Variants in ADD3 observed in about 807,000 individuals in gnomAD.
ADD3 encodes gamma-adducin.
In ADD3, 25 loss-of-function variants were observed where a neutral mutation model predicts 80.2. The ratio of observed to expected loss-of-function variants is 0.31; its 90% CI spans 0.23 to 0.44. The LOEUF is 0.44. Among genes scored for constraint, ADD3 ranks in the 20% least tolerant of loss-of-function variants. The pLI, the probability that ADD3 is intolerant of heterozygous loss-of-function variation, is 1.00. For missense variants in ADD3, 829 were observed against 847.5 expected (o/e 0.98, Z 0.27); for synonymous variants, 284 against 289.6 (o/e 0.98, Z 0.20).
At chr10:110,108,742 T>C (rs1384321260) in intron 2 of ADD3, among the ~76,000 whole-genome samples, 2 of 152,168 alleles carry the variant, frequency 1.3e-5, no homozygotes, top group African/African-American at 4.8e-5. Context: ...TGAGAAACAT[T>C]TGAAACATGT....
chr10:110,054,306 G>A (rs190092670), intron 1 of ADD3, among the ~76,000 whole-genome samples: 5 of 152,176 alleles, frequency 3.3e-5, no homozygotes, highest in African/African-American at 1.2e-4. Context: ...AAATATTTCA[G>A]CCCTATCAGA....
At chr10:110,005,992 TGCTGCTGCTGCTGCCGCCGCCGCC>T (rs1015467822), upstream of ADD3, 7 of 244,976 alleles carry the variant, frequency 2.9e-5, no homozygotes, top group African/African-American at 7.0e-5. Flanking sequence ...CTGCTAATGC[TGCTGCTGCTGCTGCCGCCGCCGCC>T]GCTGCTGCTG....
In ADD3 at chr10:110,130,817, C is replaced by G. The variant is rs188120067; in HGVS notation, c.1732+331C>G. 6.6e-5 allele frequency among the ~76,000 whole-genome samples: 10 copies of G among 150,936 alleles called. No individual in the cohort carries two copies. The East Asian group carries it at 1.9e-3, about 29-fold the overall frequency. On this transcript the variant is annotated intron_variant, in intron 13 of 14. Transcript: ENST00000356080. ...GTTGCAGTGAGCTGAGATCGCACCA[C>G]TGCACTGCAGCCTGGGCGACAGAGA... is the stretch of plus-strand genomic sequence containing the variant.
chr10:110,090,393 G>T (rs1454230710), intron 1 of ADD3, among the ~76,000 whole-genome samples: 2 of 151,098 alleles, frequency 1.3e-5, no homozygotes, highest in African/African-American at 4.9e-5. Context: ...CTAATGTTTT[G>T]TATTTTTAGT....
intron 1 of ADD3, among the ~76,000 whole-genome samples, chr10:110,094,477 G>T (rs1417247419): frequency 6.6e-6 from 1 of 152,152 alleles, no homozygotes; most frequent in Admixed American, 6.6e-5. Context: ...AGAGCCTAGT[G>T]CTTTGTGGGA....
At chr10:110,081,728 A>T (rs1454591167) in intron 1 of ADD3, among the ~76,000 whole-genome samples, 2 of 152,208 alleles carry the variant, frequency 1.3e-5, no homozygotes, top group Non-Finnish European at 1.5e-5. Flanking sequence ...TTTTTTAACA[A>T]TTGCTTATAT....
intron 1 of ADD3, among the ~76,000 whole-genome samples, chr10:110,043,678 G>C (rs1222428609): frequency 6.6e-6 from 1 of 152,090 alleles, no homozygotes; most frequent in Non-Finnish European, 1.5e-5. Flanking sequence ...TTGCATCAGG[G>C]CTCTAAATTC....
At chr10:110,097,516 T>G (rs759983076) in intron 1 of ADD3, among the ~76,000 whole-genome samples, 10 of 152,212 alleles carry the variant, frequency 6.6e-5, no homozygotes, top group Non-Finnish European at 1.3e-4. Flanking sequence ...AATTCCTGTT[T>G]GTCCTTTACC....
upstream of ADD3, among the ~76,000 whole-genome samples, chr10:110,000,892 T>C (rs576002986): frequency 7.8e-4 from 119 of 152,294 alleles, 1 homozygote; most frequent in African/African-American, 2.8e-3. Context: ...TACTGGTATG[T>C]TTTAAGAGCT....
intron 1 of ADD3, chr10:110,016,312 C>T (rs1478108199): frequency 6.6e-6 from 1 of 152,148 alleles, no homozygotes; most frequent in Non-Finnish European, 1.5e-5. Context: ...GATCTTAGTA[C>T]CAAGTGGAAT....
At chr10:110,039,154 A>T (rs1474478483) in intron 1 of ADD3, among the ~76,000 whole-genome samples, 1 of 152,176 alleles carries the variant, frequency 6.6e-6, no homozygotes, top group Non-Finnish European at 1.5e-5. Flanking sequence ...CTTACCTTGC[A>T]CATTGCTTCT....
At chr10:110,086,243 C>G (rs778505756) in intron 1 of ADD3, among the ~76,000 whole-genome samples, 3 of 151,992 alleles carry the variant, frequency 2.0e-5, no homozygotes, top group Non-Finnish European at 2.9e-5. Context: ...AACCTCATCT[C>G]TACTAAATAT....
chr10:110,090,108 CGTT>C (rs1432709379), intron 1 of ADD3, among the ~76,000 whole-genome samples: 1 of 150,796 alleles, frequency 6.6e-6, no homozygotes, highest in Non-Finnish European at 1.5e-5. Flanking sequence ...TATCCTTCGT[CGTT>C]AGTGACACAG....
intron 1 of ADD3, among the ~76,000 whole-genome samples, chr10:110,085,903 C>A (rs1189399838): frequency 6.6e-6 from 1 of 151,224 alleles, no homozygotes; most frequent in African/African-American, 2.4e-5. Flanking sequence ...GTCGGGAGTT[C>A]GAGTCCAGCC....
chr10:110,070,231 T>C (rs2133627453), intron 1 of ADD3, among the ~76,000 whole-genome samples: 1 of 152,280 alleles, frequency 6.6e-6, no homozygotes, highest in South Asian at 2.1e-4. Flanking sequence ...GTGCTACAAT[T>C]GTCTCTCCCT....
intron 1 of ADD3, among the ~76,000 whole-genome samples, chr10:110,014,773 C>T (rs1252181472): frequency 4.6e-5 from 7 of 150,882 alleles, no homozygotes; most frequent in East Asian, 4.0e-4. Flanking sequence ...GTGATCCACC[C>T]GCCTCGGCCT....
intron 1 of ADD3, among the ~76,000 whole-genome samples, chr10:109,997,144 G>A (rs562790035): frequency 3.0e-4 from 46 of 152,280 alleles, no homozygotes; most frequent in African/African-American, 9.9e-4. Context: ...GGAGCTAAGT[G>A]GGTTTTATGA....
chr10:110,122,140 G>C lies in ADD3; in HGVS notation c.991G>C (p.Asp331His). ...GGCCCTAGCAGGTGCAGGTGGAGTA[G>C]ACAATCTCCATGTACTGGACTTTCA... ...VQALAGAGGV[D>H]NLHVLDFQKY... is the part of the protein sequence containing the mutation. The change falls in exon 9 of 15, where the codon GAC becomes CAC. Residue 331 changes from aspartate (D) to histidine (H), a missense_variant. Coordinates refer to ENST00000356080, the MANE Select transcript of ADD3 (RefSeq NM_016824.5). 1.2e-6 allele frequency: 2 copies of C among 1,614,028 alleles called. No homozygotes were observed. The highest frequency in any genetic ancestry group is 8.5e-7 in the Non-Finnish European group (1 of 1,179,914).
chr10:110,077,734 T>A (rs1367805737), intron 1 of ADD3, among the ~76,000 whole-genome samples: 2 of 151,940 alleles, frequency 1.3e-5, no homozygotes, highest in Admixed American at 1.3e-4. Flanking sequence ...TATAGGAGAA[T>A]TATTGTTGTT....
Sources: allele counts gnomAD v4.1 joint callset (sites outside exome capture counted in the v4.1 genomes callset), GRCh38; gene constraint gnomAD v4.1.1; transcripts MANE v1.5; gene names NCBI Gene and HGNC (gene_info 2026-07-23, HGNC 2026-07-21).